COL5A3: variants seen among roughly 807,000 people sequenced by gnomAD.
COL5A3 encodes collagen type V alpha 3 chain, also known as collagen alpha-3(V) chain.
In COL5A3, 172 loss-of-function variants were observed where a neutral mutation model predicts 250.0. The observed-to-expected ratio is 0.69, with a 90% CI of 0.61 to 0.78. The LOEUF (loss-of-function observed/expected upper bound fraction) is 0.78. Ranked by LOEUF, COL5A3 falls within the 30% of genes least tolerant of loss-of-function variation. The pLI is 0.00. For synonymous variants in COL5A3, 937 were observed against 900.4 expected (o/e 1.04, Z -0.73); for missense variants, 2,340 against 2,334.4 (o/e 1.00, Z -0.05).
Position 9,977,697 on chromosome 19 carries a change from G to A in COL5A3, c.3023C>T (p.Ser1008Phe), listed in dbSNP as rs781508162. 4 of 1,584,104 alleles carry A rather than the reference G, an allele frequency of 2.5e-6. No homozygotes were observed. The highest frequency in any genetic ancestry group is 1.4e-5 in the African/African-American group (1 of 73,846). ...GCCCAAAGGACCGCGCTCACCAGGG[G>A]AGCCCTGAGAACAGGGGTGATGAAT... ...GPPGPVGANG[S>F]PGERGPLGPA... The change falls in exon 42 of 67, where the codon TCC becomes TTC. Residue 1008 changes from serine (S) to phenylalanine (F), a missense_variant. Ser to Phe is a radical substitution (Grantham distance 155). Around this residue, in one of 3 missense-constraint regions of COL5A3, gnomAD observed 1,179 missense variants for 1,162.6 expected, o/e 1.01. Coordinates refer to ENST00000264828, the MANE Select transcript of COL5A3 (RefSeq NM_015719.4).
At position 9,975,961 on chromosome 19, in the gene COL5A3, G is replaced by A. The variant is rs544708317; in HGVS notation, c.3342+597C>T. Among the ~76,000 whole-genome samples the A allele has an allele frequency of 2.1e-4, 32 of 150,736 alleles. 1 individual carries two copies. The South Asian group carries it at 5.5e-3, about 26-fold the overall frequency. ...GTGTTGGCATTGAGGGGAAGACACGGTTGGGTCGGGATTGAATCAGATTCT... is the reference window on the plus strand; with the variant it reads ...GTGTTGGCATTGAGGGGAAGACACGATTGGGTCGGGATTGAATCAGATTCT... On this transcript the variant is annotated intron_variant, in intron 45 of 66. Coordinates refer to ENST00000264828, the MANE Select transcript of COL5A3 (RefSeq NM_015719.4).
At chr19:9,961,357 A>AT (rs1385627424) in intron 65 of COL5A3, among the ~76,000 whole-genome samples, 6 of 151,328 alleles carry the variant, frequency 4.0e-5, no homozygotes, top group Admixed American at 3.3e-4. Flanking sequence ...ACTTTATTTA[A>AT]TTTTTTTTCC....
At chr19:9,972,000 CCATT>C (rs2086854540) in intron 51 of COL5A3, among the ~76,000 whole-genome samples, 1 of 152,216 alleles carries the variant, frequency 6.6e-6, no homozygotes. Flanking sequence ...ATCCATCCAT[CCATT>C]CGTTTATTCA....
chr19:9,997,350 AC>A lies in COL5A3; in HGVS notation c.1263+20del. ...AACCTCACTCCTCTGAGAAGTGTAC[AC>A]CCCAGTGGGAGTCTCTTACCGGTGG... On this transcript the variant is annotated intron_variant, in intron 11 of 66. Coordinates refer to ENST00000264828, the MANE Select transcript of COL5A3 (RefSeq NM_015719.4). 1 of 1,589,560 alleles carries A rather than the reference AC, an allele frequency of 6.3e-7. No homozygotes were observed.
rs988138740 is a variant in COL5A3, at chr19:9,969,623, G to A, written c.4050C>T (p.Pro1350=). Residue 1350 remains proline (P), a synonymous_variant, in exon 56 of 67, where the codon CCC becomes CCT. Transcript: ENST00000264828. ...GACCCTCAGGCCCCACACGTCCAGG[G>A]GGCCCTCTAGCCCCCATTGGACCCG... ...GRTGPMGARG[P]PGRVGPEGLR... is the part of the protein sequence containing the mutation. The A allele has an allele frequency of 4.4e-6, 7 of 1,600,488 alleles. No homozygotes were observed. Among genetic ancestry groups the A allele is most frequent in the African/African-American group, 4.1e-5 (3 of 73,960 alleles).
rs373020344 is a variant in COL5A3 at position 10,001,689 on chromosome 19, A to G, written c.964-19T>C. 42 of 1,613,474 alleles carry G rather than the reference A, an allele frequency of 2.6e-5. No individual in the cohort carries two copies. The highest frequency in any genetic ancestry group is 1.6e-4 in the South Asian group (15 of 91,062). On this transcript the variant is annotated intron_variant, in intron 7 of 66. Transcript: ENST00000264828. ...AGCTCCTCTGAGAACGTTAGGAAAG[A>G]CCAAAGTTTTCCCTGACCTCCTTAT...
At chr19:9,997,334 C>A in intron 11 of COL5A3, 37 bp downstream of exon 11, 1 of 1,522,732 alleles carries the variant, frequency 6.6e-7, no homozygotes, top group Non-Finnish European at 9.1e-7. Flanking sequence ...AAACCTCACT[C>A]CTCTGAGAAG....
Position 9,968,282 on chromosome 19 carries a change from C to A in COL5A3, c.4314+103G>T, listed in dbSNP as rs1306847538. ...CATCCCCCTATTTTCCCCACACACA[C>A]CCTCATTAATCCAGACCCACGTTTC... On this transcript the variant is annotated intron_variant, in intron 59 of 66. Coordinates refer to ENST00000264828, the MANE Select transcript of COL5A3 (RefSeq NM_015719.4). This position sits in a 1 kb window ranked among gnomAD's most constrained non-coding sequence, Gnocchi z 4.1. The A allele has an allele frequency of 1.3e-5, 14 of 1,087,240 alleles. No individual in the cohort carries two copies. The highest frequency in any genetic ancestry group is 2.8e-4 in the Middle Eastern group (1 of 3,572). 67.3% of individuals were successfully genotyped at this position (1,087,240 alleles called of 1,614,324 possible). A position where few individuals can be genotyped will look rare whatever the true frequency, so the allele number is the denominator to read the frequency against.
At chr19:9,966,938 A>G (rs1267189610) in intron 62 of COL5A3, among the ~76,000 whole-genome samples, 192 bp from the exon 63 acceptor site, 1 of 152,088 alleles carries the variant, frequency 6.6e-6, no homozygotes, top group Admixed American at 6.6e-5. Flanking sequence ...AAAGAGAGAG[A>G]CAGATTCAGA....
In COL5A3 at chr19:9,968,243, C is replaced by T. The variant is rs148397545; in HGVS notation, c.4314+142G>A. On this transcript the variant is annotated intron_variant, in intron 59 of 66. Coordinates refer to ENST00000264828, the MANE Select transcript of COL5A3 (RefSeq NM_015719.4). This position sits in a 1 kb window ranked among gnomAD's most constrained non-coding sequence, Gnocchi z 4.1. Reference sequence around the variant, plus strand: ...AACCCCAGACGCAGCCTCCAACTTGCCAGTTCCCAGATACATCCCCCTATT... The same window carrying T: ...AACCCCAGACGCAGCCTCCAACTTGTCAGTTCCCAGATACATCCCCCTATT... The T allele has an allele frequency of 2.3e-5, 23 of 983,690 alleles. No individual in the cohort carries two copies. The African/African-American group carries it at 3.8e-4, about 16-fold the overall frequency. The allele number at this position is 983,690 out of a possible 1,614,324, so 60.9% of individuals were successfully genotyped here.
At chr19:9,997,512 A>G in intron 10 of COL5A3, 79 bp from the exon 11 acceptor site, 1 of 919,424 alleles carries the variant, frequency 1.1e-6, no homozygotes, top group Non-Finnish European at 1.7e-6. Flanking sequence ...CACTGACTCT[A>G]ACCTCAGGCT....
Position 10,006,120 on chromosome 19 carries a change from A to T in COL5A3, c.200T>A (p.Ile67Asn). Residue 67 changes from isoleucine to asparagine, a missense_variant, in exon 2 of 67, where the codon ATT becomes AAT. Physicochemically the swap from Ile to Asn is moderately radical, Grantham distance 149. Around this residue, in one of 3 missense-constraint regions of COL5A3, gnomAD observed 1,152 missense variants for 1,146.3 expected, o/e 1.00. Coordinates refer to ENST00000264828, the MANE Select transcript of COL5A3 (RefSeq NM_015719.4). The stretch of plus-strand genomic sequence containing the variant: ...GATGCCGAGCGTGCTGGCCTGGCCA[A>T]TTCTGAATGCCCGGTCACCCTCTGG... The part of the protein sequence containing the change: ...RTPEGDRAFR[I>N]GQASTLGIPT... 6.2e-7 allele frequency: 1 copy of T among 1,613,814 alleles called. No homozygotes were observed. Among genetic ancestry groups the T allele is most frequent in the Non-Finnish European group, 8.5e-7 (1 of 1,179,876 alleles).
rs750221847 is a variant in COL5A3, at chr19:9,977,689, C to T, written c.3031G>A (p.Glu1011Lys). The change falls in exon 42 of 67, where the codon GAG becomes AAG. Residue 1011 changes from glutamate to lysine, a missense_variant. Physicochemically the swap from Glu to Lys is moderately conservative, Grantham distance 56. This residue lies in a region of COL5A3 where 1,179 missense variants were observed against 1,162.6 expected (regional missense o/e 1.01). Transcript: ENST00000264828. Reference sequence around the variant, plus strand: ...CCTGCTGGGCCCAAAGGACCGCGCTCACCAGGGGAGCCCTGAGAACAGGGG... The same window carrying T: ...CCTGCTGGGCCCAAAGGACCGCGCTTACCAGGGGAGCCCTGAGAACAGGGG... Reference protein sequence around the residue: ...GPVGANGSPGERGPLGPAGGI... With the variant: ...GPVGANGSPGKRGPLGPAGGI... The T allele has an allele frequency of 6.9e-6, 11 of 1,592,446 alleles. No homozygotes were observed. Among genetic ancestry groups the T allele is most frequent in the Middle Eastern group, 1.8e-4 (1 of 5,522 alleles).
chr19:9,972,966 G>A lies in COL5A3; in HGVS notation c.3727C>T (p.Pro1243Ser). ...TCTCCAGGGGGACCTTTCTTGCCTG[G>A]GGGTCCAGCAGCTCCAGATGGGCCT... ...DSGPSGAAGP[P>S]GKKGPPGEDG... The change falls in exon 51 of 67, where the codon CCA (proline) becomes TCA (serine). Residue 1243 changes from proline to serine, a missense_variant. By Grantham distance (74) the Pro-to-Ser change is moderately conservative. This residue lies in a region of COL5A3 where 1,179 missense variants were observed against 1,162.6 expected (regional missense o/e 1.01). Transcript: ENST00000264828. The A allele has an allele frequency of 3.1e-6, 5 of 1,611,884 alleles. No individual in the cohort carries two copies. The highest frequency in any genetic ancestry group is 4.2e-6 in the Non-Finnish European group (5 of 1,179,150).
intron 11 of COL5A3, chr19:9,997,066 A>G: frequency 3.7e-6 from 2 of 545,260 alleles, no homozygotes; most frequent in East Asian, 3.2e-5. Context: ...AGGGAGAGGG[A>G]CAGAGACCAA....
At chr19:10,000,557 C>G (rs1351477002) in intron 8 of COL5A3, among the ~76,000 whole-genome samples, 1 of 149,450 alleles carries the variant, frequency 6.7e-6, no homozygotes, top group Non-Finnish European at 1.5e-5. Flanking sequence ...CTCAGCCGCC[C>G]AAAGCATTGG....
chr19:9,989,224 A>G (rs770854680), intron 26 of COL5A3, 47 bp from the exon 27 acceptor site: 1 of 1,612,302 alleles, frequency 6.2e-7, no homozygotes, highest in Non-Finnish European at 8.5e-7. Flanking sequence ...TCCCTTCCAC[A>G]TTCTAAGAGC....
chr19:9,962,667 G>A, intron 65 of COL5A3, 152 bp downstream of exon 65: 1 of 599,956 alleles, frequency 1.7e-6, no homozygotes, highest in Non-Finnish European at 3.0e-6. Flanking sequence ...CACATCTGAT[G>A]CTGCTGCCAC....
rs761234180 is a variant in COL5A3 at position 9,968,658 on chromosome 19, T to C, written c.4206+17A>G. ...GGGGAGGAGATGGGGAAGAGAATAA[T>C]GGAATGATGTCCTTACCTTTTCCCC... is the stretch of plus-strand genomic sequence containing the variant. On this transcript the variant is annotated intron_variant, in intron 58 of 66. Transcript: ENST00000264828. The surrounding 1 kb of genome is among the most constrained non-coding windows in gnomAD (Gnocchi z 4.1). 3 of 1,607,702 alleles carry C rather than the reference T, an allele frequency of 1.9e-6. No homozygotes were observed. The highest frequency in any genetic ancestry group is 1.7e-5 in the Admixed American group (1 of 58,424).
Sources: gnomAD v4.1 joint callset for allele counts (sites outside exome capture counted in the v4.1 genomes callset) on GRCh38, gnomAD v4.1.1 for gene constraint, gnomAD v4.1.1 regional missense constraint, Gnocchi (gnomAD v3.1) non-coding constraint, MANE v1.5 for transcripts, NCBI Gene and HGNC (gene_info 2026-07-23, HGNC 2026-07-21) for gene names.